The following DNAH5 variants were observed in gnomAD, a reference collection of about 807,000 sequenced individuals.
The protein encoded by DNAH5 is axonemal beta dynein heavy chain 5.
In DNAH5, 372 loss-of-function variants were observed where a neutral mutation model predicts 518.2. The observed-to-expected ratio is 0.72, with a 90% CI of 0.66 to 0.78. The LOEUF (loss-of-function observed/expected upper bound fraction) is 0.78. DNAH5 is among the 30% of genes least tolerant of loss of function. The pLI is 0.00. For synonymous variants in DNAH5, 2,039 were observed against 2,025.9 expected, an observed-to-expected ratio of 1.01 and a Z score of -0.17; for missense variants, 5,523 against 5,687.0, an observed-to-expected ratio of 0.97 and a Z score of 0.93.
chr5:13,956,732 T>C (rs1475945837), intron 1 of DNAH5, among the ~76,000 whole-genome samples: 2 of 152,202 alleles, frequency 1.3e-5, no homozygotes, highest in Non-Finnish European at 2.9e-5. Context: ...CTGCCACATT[T>C]TTTCCTGCAT....
chr5:13,925,039 C>G (rs1366820377), intron 3 of DNAH5, among the ~76,000 whole-genome samples: 1 of 152,150 alleles, frequency 6.6e-6, no homozygotes, highest in Admixed American at 6.5e-5. Context: ...GGATTGGAAC[C>G]TCTTGGAGTA....
At chr5:13,701,018 A>C in intron 77 of DNAH5, 147 bp from the exon 78 acceptor site, 1 of 961,134 alleles carries the variant, frequency 1.0e-6, no homozygotes, top group Non-Finnish European at 1.6e-6. Context: ...TCCCTCATTA[A>C]AAAAACCACA....
At position 13,757,703 on chromosome 5, in the gene DNAH5, T is replaced by TA. The variant is rs556645709; in HGVS notation, c.10419+1142dup. On this transcript the variant is annotated intron_variant, in intron 61 of 78. Coordinates refer to ENST00000265104, the MANE Select transcript of DNAH5 (RefSeq NM_001369.3). ...AAGGAACTTAAAGAAATTCACAATT[T>TA]AAAAAAAATCTCATTAAAAGTGGGC... Among the ~76,000 whole-genome samples the TA allele has an allele frequency of 1.8e-4, 27 of 152,106 alleles. 1 individual carries two copies. In the South Asian group the frequency reaches 4.2e-3, roughly 23 times the overall value.
intron 30 of DNAH5, among the ~76,000 whole-genome samples, chr5:13,856,761 C>A (rs1767692783): frequency 6.6e-6 from 1 of 152,044 alleles, no homozygotes; most frequent in African/African-American, 2.4e-5. Context: ...ATGAAAAAAC[C>A]ACATGATTAT....
At chr5:14,010,893 T>C (rs1785069010) in intron 1 of DNAH5, among the ~76,000 whole-genome samples, 1 of 151,982 alleles carries the variant, frequency 6.6e-6, no homozygotes. Flanking sequence ...TACAGTTATA[T>C]GACTATAGTG....
chr5:13,835,861 C>T (rs375849500), intron 35 of DNAH5, among the ~76,000 whole-genome samples: 19 of 152,106 alleles, frequency 1.2e-4, no homozygotes, highest in African/African-American at 1.9e-4. Context: ...TTTATCTAAT[C>T]GGCACAAGGC....
At chr5:13,916,221 T>A (rs1776628366) in intron 9 of DNAH5, 127 bp downstream of exon 9, 4 of 493,220 alleles carry the variant, frequency 8.1e-6, no homozygotes, top group Non-Finnish European at 1.5e-5. Context: ...ATTGATAGCC[T>A]AAGCCTTTTT....
intron 71 of DNAH5, among the ~76,000 whole-genome samples, chr5:13,719,901 T>C (rs569237835): frequency 6.6e-6 from 1 of 152,304 alleles, no homozygotes; most frequent in Admixed American, 6.5e-5. Context: ...TTGCCTGAAT[T>C]ATACCATAAG....
At chr5:13,773,262 A>T (rs193120018) in intron 55 of DNAH5, among the ~76,000 whole-genome samples, 1 of 152,234 alleles carries the variant, frequency 6.6e-6, no homozygotes, top group South Asian at 2.1e-4. Context: ...TATGTAAAGC[A>T]TAAGTGTTAT....
chr5:13,920,681 T>G, intron 5 of DNAH5, 64 bp from the exon 6 acceptor site: 5 of 1,580,260 alleles, frequency 3.2e-6, no homozygotes, highest in Admixed American at 1.7e-5. Flanking sequence ...CTGTGGGCCC[T>G]GTGTTTTCCA....
rs751820443 is a variant in DNAH5, at chr5:13,923,320, G to C, written c.398C>G (p.Thr133Ser). ...LTGVCVFFIR[T>S]DPSKAITPDN... ...AGGGGTGATGGCTTTGGAAGGGTCA[G>C]TCCTGATGAAGAACACACATACCCC... Residue 133 changes from threonine (T) to serine (S), a missense_variant, in exon 4 of 79, where the codon ACT becomes AGT. Transcript: ENST00000265104. 1.9e-6 allele frequency: 3 copies of C among 1,614,006 alleles called. No homozygotes were observed. Among genetic ancestry groups the C allele is most frequent in the Admixed American group, 1.7e-5 (1 of 60,002 alleles).
chr5:13,841,566 C>A (rs1765168719), intron 33 of DNAH5, 126 bp downstream of exon 33: 2 of 727,516 alleles, frequency 2.7e-6, no homozygotes, highest in East Asian at 5.4e-5. Flanking sequence ...TTTAATGGGT[C>A]CTTATGAAAA....
intron 31 of DNAH5, among the ~76,000 whole-genome samples, chr5:13,850,081 A>C (rs952814497): frequency 3.3e-5 from 5 of 152,228 alleles, no homozygotes; most frequent in African/African-American, 1.2e-4. Flanking sequence ...CAGGTGCTTG[A>C]GTTTAACTTC....
In DNAH5 at chr5:13,714,633, C is replaced by G; in HGVS notation, c.12910-13G>C. ...AGGCAGGCAAACTCTGAACAACAGA[C>G]ACCCCAGATAAGCACAGACTGCCAA... On this transcript the variant is annotated splice_polypyrimidine_tract_variant and intron_variant, in intron 74 of 78. Coordinates refer to ENST00000265104, the MANE Select transcript of DNAH5 (RefSeq NM_001369.3). The G allele has an allele frequency of 6.2e-7, 1 of 1,613,208 alleles. No individual in the cohort carries two copies. The highest frequency in any genetic ancestry group is 8.5e-7 in the Non-Finnish European group (1 of 1,179,696).
At chr5:13,890,694 T>G (rs1773100439) in intron 17 of DNAH5, among the ~76,000 whole-genome samples, 1 of 152,330 alleles carries the variant, frequency 6.6e-6, no homozygotes, top group South Asian at 2.1e-4. Context: ...GCAAGATAGC[T>G]CTATCCTTCA....
intron 65 of DNAH5, among the ~76,000 whole-genome samples, chr5:13,745,374 C>T (rs1448805607): frequency 6.6e-6 from 1 of 152,000 alleles, no homozygotes; most frequent in Admixed American, 6.6e-5. Context: ...ATTTGAACAG[C>T]ACATGCATTT....
At chr5:13,966,402 G>A (rs1264684453) in intron 1 of DNAH5, among the ~76,000 whole-genome samples, 1 of 152,142 alleles carries the variant, frequency 6.6e-6, no homozygotes, top group Non-Finnish European at 1.5e-5. Flanking sequence ...TGGATCAAAT[G>A]GTAGTTCTAC....
chr5:13,763,706 C>A (rs1192395324), intron 59 of DNAH5, among the ~76,000 whole-genome samples: 1 of 152,208 alleles, frequency 6.6e-6, no homozygotes, highest in Non-Finnish European at 1.5e-5. Context: ...GTAGAACACA[C>A]TCTCATTCAG....
At position 13,911,429 on chromosome 5, in the gene DNAH5, T is replaced by C; in HGVS notation, c.1601A>G (p.Asp534Gly). Residue 534 changes from aspartate (D) to glycine (G), a missense_variant, in exon 12 of 79, where the codon GAC (aspartate) becomes GGC (glycine). Physicochemically the swap from Asp to Gly is moderately conservative, Grantham distance 94. Coordinates refer to ENST00000265104, the MANE Select transcript of DNAH5 (RefSeq NM_001369.3). ...CTTGCAAAACTCTTCGTAATCTTGG[T>C]CAAAATCCATTTTCCGCTGGTCTAG... is the stretch of plus-strand genomic sequence containing the variant. ...NFLDQRKMDF[D>G]QDYEEFCKQT... The C allele has an allele frequency of 6.2e-7, 1 of 1,614,060 alleles. No homozygotes were observed. The highest frequency in any genetic ancestry group is 1.1e-5 in the South Asian group (1 of 91,080).
Sources: allele counts gnomAD v4.1 joint callset (sites outside exome capture counted in the v4.1 genomes callset), GRCh38; gene constraint gnomAD v4.1.1; transcripts MANE v1.5; gene names NCBI Gene and HGNC (gene_info 2026-07-23, HGNC 2026-07-21).